NAV1: variants seen among roughly 807,000 people sequenced by gnomAD.
NAV1 encodes the protein neuron navigator 1.
NAV1 carries 18 observed loss-of-function variants against 175.2 expected under a neutral mutation model. The ratio of observed to expected loss-of-function variants is 0.10; its 90% CI spans 0.07 to 0.15. NAV1 has a LOEUF of 0.15. NAV1 is among the 10% of genes least tolerant of loss of function. The pLI, the probability that NAV1 is intolerant of heterozygous loss-of-function variation, is 1.00. For synonymous variants in NAV1, 897 were observed against 978.7 expected, an observed-to-expected ratio of 0.92 and a Z score of 1.56; for missense variants, 1,731 against 2,436.6, an observed-to-expected ratio of 0.71 and a Z score of 6.10.
chr1:201,687,240 C>CT (rs528411779), intron 1 of NAV1, among the ~76,000 whole-genome samples: 33 of 151,520 alleles, frequency 2.2e-4, no homozygotes, highest in Admixed American at 1.1e-3. Context: ...TTATAGGTTG[C>CT]TTTTTTTTTC....
At chr1:201,632,804 C>T (rs1333774942) in intron 2 of NAV1, among the ~76,000 whole-genome samples, 2 of 152,204 alleles carry the variant, frequency 1.3e-5, no homozygotes, top group African/African-American at 2.4e-5. Flanking sequence ...CATACTAGGG[C>T]TGTTTTGCTT....
intron 1 of NAV1, among the ~76,000 whole-genome samples, chr1:201,676,206 C>T (rs771883092): frequency 7.2e-5 from 11 of 152,192 alleles, no homozygotes; most frequent in Non-Finnish European, 1.3e-4. Context: ...AGAGGTCCTC[C>T]TGGAAGTGCC....
chr1:201,681,073 A>G (rs1001384272), intron 1 of NAV1, among the ~76,000 whole-genome samples: 1 of 151,876 alleles, frequency 6.6e-6, no homozygotes, highest in Non-Finnish European at 1.5e-5. Context: ...GTTCACCCCC[A>G]TACACTCCTC....
At chr1:201,803,056 CCT>C (rs1678043465) in intron 15 of NAV1, among the ~76,000 whole-genome samples, 2 of 152,208 alleles carry the variant, frequency 1.3e-5, no homozygotes, top group Admixed American at 1.3e-4. Context: ...CCCTTCCTCC[CCT>C]GTTGTAGAAA....
intron 1 of NAV1, among the ~76,000 whole-genome samples, chr1:201,581,555 G>T (rs535909366): frequency 2.8e-4 from 42 of 152,160 alleles, no homozygotes; most frequent in Non-Finnish European, 4.4e-5. Context: ...CCGGCCGGGC[G>T]CGGTGGCTCA....
At chr1:201,540,288 G>A (rs1053075633) in intron 1 of NAV1, among the ~76,000 whole-genome samples, 1 of 152,224 alleles carries the variant, frequency 6.6e-6, no homozygotes, top group East Asian at 1.9e-4. Flanking sequence ...AGCTGGCGCC[G>A]GCTTAAGGGA....
chr1:201,676,631 A>T (rs1670263880), intron 1 of NAV1, among the ~76,000 whole-genome samples: 1 of 151,372 alleles, frequency 6.6e-6, no homozygotes, highest in South Asian at 2.1e-4. Flanking sequence ...TCTCCCCGCA[A>T]CACCCAACCA....
rs1671080435 is a variant in NAV1 at position 201,694,066 on chromosome 1, C to A, written c.758-18751C>A. On this transcript the variant is annotated intron_variant, in intron 1 of 29. Transcript: ENST00000367296. This position sits in a 1 kb window ranked among gnomAD's most constrained non-coding sequence, Gnocchi z 4.2. ...GCTTCCTGGTGGGGGAGGGGACACA[C>A]ACAGACATCAATTCAGTCAAGACTC... is the stretch of plus-strand genomic sequence containing the variant. Among the ~76,000 whole-genome samples the A allele has an allele frequency of 6.6e-6, 1 of 152,212 alleles. No homozygotes were observed. Among genetic ancestry groups the A allele is most frequent in the Non-Finnish European group, 1.5e-5 (1 of 68,038 alleles).
upstream of NAV1, among the ~76,000 whole-genome samples, chr1:201,645,862 T>C (rs1405434290): frequency 6.6e-6 from 1 of 152,192 alleles, no homozygotes; most frequent in African/African-American, 2.4e-5. Flanking sequence ...ATTGCTATTT[T>C]TAGGAAAGGT....
intron 3 of NAV1, among the ~76,000 whole-genome samples, chr1:201,731,039 A>G (rs1273382174): frequency 6.6e-6 from 1 of 152,188 alleles, no homozygotes; most frequent in African/African-American, 2.4e-5. Context: ...ATAGATTTGC[A>G]AAGCAGGCCA....
intron 2 of NAV1, among the ~76,000 whole-genome samples, chr1:201,636,605 C>T (rs186653047): frequency 3.7e-4 from 57 of 152,280 alleles, no homozygotes; most frequent in Non-Finnish European, 6.8e-4. Context: ...GAGTCATCCA[C>T]GTGAGACCAG....
At chr1:201,728,924 G>C (rs1672729427) in intron 3 of NAV1, among the ~76,000 whole-genome samples, 1 of 152,224 alleles carries the variant, frequency 6.6e-6, no homozygotes, top group African/African-American at 2.4e-5. Flanking sequence ...GCCAACTAAT[G>C]CTAGCTAAGG....
chr1:201,584,926 C>G (rs1486427721), intron 1 of NAV1, among the ~76,000 whole-genome samples: 1 of 152,174 alleles, frequency 6.6e-6, no homozygotes, highest in Non-Finnish European at 1.5e-5. Flanking sequence ...GGAGAAGGGC[C>G]CCTGCCTTTC....
intron 10 of NAV1, among the ~76,000 whole-genome samples, chr1:201,789,101 T>C (rs1676948594): frequency 6.6e-6 from 1 of 152,184 alleles, no homozygotes. Flanking sequence ...GAGGGCCATC[T>C]GATTGTTGGT....
chr1:201,690,047 A>G (rs543532048), intron 1 of NAV1, among the ~76,000 whole-genome samples: 30 of 131,328 alleles, frequency 2.3e-4, no homozygotes, highest in African/African-American at 8.8e-4. Flanking sequence ...GAATGTGTCT[A>G]TTTCCTCCAT....
intron 13 of NAV1, chr1:201,792,101 C>G (rs1407115536): frequency 6.6e-6 from 1 of 152,078 alleles, no homozygotes; most frequent in Non-Finnish European, 1.5e-5. Context: ...GGTGATTTTT[C>G]TTAGAACAGG....
At chr1:201,692,098 G>A (rs534158224) in intron 1 of NAV1, among the ~76,000 whole-genome samples, 19 of 152,154 alleles carry the variant, frequency 1.2e-4, no homozygotes, top group Non-Finnish European at 2.5e-4. Context: ...CTGAGTTCTC[G>A]TCTCCCTGCT....
chr1:201,581,726 G>A (rs757377330), intron 1 of NAV1, among the ~76,000 whole-genome samples: 1 of 152,034 alleles, frequency 6.6e-6, no homozygotes, highest in Non-Finnish European at 1.5e-5. Context: ...CTACTCTGGA[G>A]GCTGAGGCAC....
intron 2 of NAV1, among the ~76,000 whole-genome samples, chr1:201,594,258 G>C (rs1667289624): frequency 6.6e-6 from 1 of 152,168 alleles, no homozygotes; most frequent in Non-Finnish European, 1.5e-5. Flanking sequence ...CATCATGTGG[G>C]CAGGGCCTTA....
Sources: gnomAD v4.1 joint callset for allele counts (sites outside exome capture counted in the v4.1 genomes callset) on GRCh38, gnomAD v4.1.1 for gene constraint, Gnocchi (gnomAD v3.1) non-coding constraint, MANE v1.5 for transcripts, NCBI Gene and HGNC (gene_info 2026-07-23, HGNC 2026-07-21) for gene names.